The following ADAM12 variants were observed in gnomAD, a reference collection of about 807,000 sequenced individuals.
ADAM12 encodes ADAM metallopeptidase domain 12.
Under a neutral mutation model 106.4 loss-of-function variants are expected in ADAM12, and 70 were observed. The ratio of observed to expected loss-of-function variants is 0.66; its 90% CI spans 0.54 to 0.80. The LOEUF (loss-of-function observed/expected upper bound fraction) is 0.80, where lower values mean the gene tolerates loss of function less well. Among genes scored for constraint, ADAM12 ranks in the 30% least tolerant of loss-of-function variants. ADAM12 has a pLI of 0.00. For synonymous variants in ADAM12, 420 were observed against 433.5 expected, an observed-to-expected ratio of 0.97 and a Z score of 0.39; for missense variants, 1,010 against 1,171.9, an observed-to-expected ratio of 0.86 and a Z score of 2.02.
intron 3 of ADAM12, among the ~76,000 whole-genome samples, chr10:126,225,324 C>T (rs534493634): frequency 6.6e-6 from 1 of 152,192 alleles, no homozygotes; most frequent in Non-Finnish European, 1.5e-5. Context: ...AAATATGTCA[C>T]ACACTTGGGG....
intron 2 of ADAM12, among the ~76,000 whole-genome samples, chr10:126,282,131 C>T (rs1959613557): frequency 6.6e-6 from 1 of 152,148 alleles, no homozygotes; most frequent in South Asian, 2.1e-4. Flanking sequence ...TCTTCTGAGG[C>T]CGCTTTCCTT....
intron 5 of ADAM12, 115 bp from the exon 6 acceptor site, chr10:126,118,339 T>C (rs531296052): frequency 9.6e-6 from 7 of 730,382 alleles, no homozygotes; most frequent in Admixed American, 5.9e-5. Flanking sequence ...AATTTACTTA[T>C]ATTCTCAGAT....
intron 21 of ADAM12, among the ~76,000 whole-genome samples, chr10:126,022,142 T>C (rs1953779100): frequency 6.6e-6 from 1 of 152,170 alleles, no homozygotes; most frequent in East Asian, 1.9e-4. Flanking sequence ...CATGGAAACA[T>C]AGGAGATAGT....
At chr10:126,035,037 T>C (rs1168505061) in intron 21 of ADAM12, among the ~76,000 whole-genome samples, 1 of 152,132 alleles carries the variant, frequency 6.6e-6, no homozygotes, top group Non-Finnish European at 1.5e-5. Context: ...GACACAATTA[T>C]AGTGGAAAAG....
intron 1 of ADAM12, among the ~76,000 whole-genome samples, chr10:126,383,873 T>A (rs1430697364): frequency 6.6e-6 from 1 of 152,198 alleles, no homozygotes; most frequent in Non-Finnish European, 1.5e-5. Context: ...GAAGCAGCAA[T>A]GTACATAGTT....
At chr10:126,277,460 G>C (rs1258865769) in intron 3 of ADAM12, among the ~76,000 whole-genome samples, 1 of 152,010 alleles carries the variant, frequency 6.6e-6, no homozygotes, top group Non-Finnish European at 1.5e-5. Context: ...TCGAGAAAAT[G>C]CATCACCACC....
intron 3 of ADAM12, among the ~76,000 whole-genome samples, chr10:126,225,089 C>A (rs1235180824): frequency 6.6e-6 from 1 of 152,236 alleles, no homozygotes; most frequent in African/African-American, 2.4e-5. Context: ...ACTGTTTCGA[C>A]TGCTTTCAGA....
chr10:126,342,146 A>C (rs959351765), intron 1 of ADAM12, among the ~76,000 whole-genome samples: 1 of 152,108 alleles, frequency 6.6e-6, no homozygotes, highest in African/African-American at 2.4e-5. Flanking sequence ...GGTGGGGAAT[A>C]GGGTGAGATG....
intron 3 of ADAM12, among the ~76,000 whole-genome samples, chr10:126,192,715 C>T (rs1957525802): frequency 2.0e-5 from 3 of 152,210 alleles, no homozygotes; most frequent in Admixed American, 2.0e-4. Flanking sequence ...TACAAAACTT[C>T]TGAAGTGGTT....
chr10:126,346,228 T>A (rs1279765526), intron 1 of ADAM12, among the ~76,000 whole-genome samples: 1 of 152,216 alleles, frequency 6.6e-6, no homozygotes, highest in Non-Finnish European at 1.5e-5. Flanking sequence ...TGTGTCTTTG[T>A]TCTCGTTGGT....
intron 1 of ADAM12, among the ~76,000 whole-genome samples, chr10:126,339,213 C>T (rs778651776): frequency 2.6e-5 from 4 of 152,160 alleles, no homozygotes; most frequent in Non-Finnish European, 5.9e-5. Context: ...ATTTTCTTCC[C>T]ATCTGGCCAC....
At chr10:126,038,639 T>TTGAA in intron 19 of ADAM12, among the ~76,000 whole-genome samples, 1 of 152,348 alleles carries the variant, frequency 6.6e-6, no homozygotes, top group African/African-American at 2.4e-5. Flanking sequence ...GATAATGTCT[T>TTGAA]TGAATATATT....
At chr10:126,275,694 G>C (rs936837613) in intron 3 of ADAM12, among the ~76,000 whole-genome samples, 1 of 152,150 alleles carries the variant, frequency 6.6e-6, no homozygotes, top group East Asian at 1.9e-4. Flanking sequence ...AAAGTCACCA[G>C]AGGCCTTCCA....
At chr10:126,339,761 G>A (rs1334398667) in intron 1 of ADAM12, among the ~76,000 whole-genome samples, 2 of 151,854 alleles carry the variant, frequency 1.3e-5, no homozygotes, top group Admixed American at 1.3e-4. Flanking sequence ...AGAAGTCCAG[G>A]TGGTAGACAA....
intron 1 of ADAM12, among the ~76,000 whole-genome samples, chr10:126,386,138 G>A (rs571101212): frequency 6.6e-6 from 1 of 152,268 alleles, no homozygotes; most frequent in Non-Finnish European, 1.5e-5. Context: ...GGCATGTGGA[G>A]AAGGCAGAGG....
rs149141304 is a variant in ADAM12 at position 126,320,309 on chromosome 10, A to C, written c.186+10103T>G. On this transcript the variant is annotated intron_variant, in intron 2 of 22. Transcript: ENST00000448723. ...ATGAGGAGTGTCTTAAATATATCCA[A>C]AAGGAAATTCTTCCCACAGCGGCTC... is the stretch of plus-strand genomic sequence containing the variant. Among the ~76,000 whole-genome samples, 486 of 152,314 alleles carry C rather than the reference A, an allele frequency of 3.2e-3. 4 individuals carry two copies. The highest frequency in any genetic ancestry group is 0.011 in the African/African-American group (473 of 41,568).
At chr10:126,087,829 A>T (rs1955386503) in intron 11 of ADAM12, among the ~76,000 whole-genome samples, 1 of 152,090 alleles carries the variant, frequency 6.6e-6, no homozygotes, top group Non-Finnish European at 1.5e-5. Context: ...TTTTCACTGA[A>T]AATTGCAGTT....
At chr10:126,095,570 C>G (rs1955542906) in intron 10 of ADAM12, among the ~76,000 whole-genome samples, 1 of 142,266 alleles carries the variant, frequency 7.0e-6, no homozygotes, top group South Asian at 2.3e-4. Flanking sequence ...GTGATTGGGT[C>G]ATGGGGACTC....
chr10:126,031,787 A>G (rs1953975356), intron 21 of ADAM12, among the ~76,000 whole-genome samples: 1 of 152,210 alleles, frequency 6.6e-6, no homozygotes, highest in South Asian at 2.1e-4. Flanking sequence ...TTTTGACAGC[A>G]TCACTGAACT....
Sources: allele counts gnomAD v4.1 joint callset (sites outside exome capture counted in the v4.1 genomes callset), GRCh38; gene constraint gnomAD v4.1.1; transcripts MANE v1.5; gene names NCBI Gene and HGNC (gene_info 2026-07-23, HGNC 2026-07-21).